TRPC4AP: variants seen among roughly 807,000 people sequenced by gnomAD.
TRPC4AP encodes transient receptor potential cation channel subfamily C member 4 associated protein.
TRPC4AP carries 45 observed loss-of-function variants against 99.0 expected under a neutral mutation model. The observed-to-expected ratio is 0.45, with a 90% CI of 0.36 to 0.58. The LOEUF (loss-of-function observed/expected upper bound fraction) is 0.58, where lower values mean the gene tolerates loss of function less well. TRPC4AP is among the 20% of genes least tolerant of loss of function. The probability of loss-of-function intolerance (pLI) is 0.00; values close to 1 mark genes in which losing one functional copy is unlikely to be tolerated. For synonymous variants in TRPC4AP, 408 were observed against 385.8 expected, an observed-to-expected ratio of 1.06 and a Z score of -0.67; for missense variants, 879 against 985.3, an observed-to-expected ratio of 0.89 and a Z score of 1.44.
chr20:35,026,152 C>CCAG (rs1569098075), intron 8 of TRPC4AP, among the ~76,000 whole-genome samples: 1 of 152,024 alleles, frequency 6.6e-6, no homozygotes, highest in Non-Finnish European at 1.5e-5. Flanking sequence ...TATCCTCAGG[C>CCAG]CAGCAGCATA....
chr20:35,070,600 CG>C (rs2084283880), intron 2 of TRPC4AP, among the ~76,000 whole-genome samples: 1 of 152,048 alleles, frequency 6.6e-6, no homozygotes, highest in Non-Finnish European at 1.5e-5. Context: ...TCAGTAGAGA[CG>C]GGGTTTCACC....
intron 2 of TRPC4AP, 83 bp downstream of exon 2, chr20:35,077,963 A>G: frequency 6.9e-7 from 1 of 1,458,500 alleles, no homozygotes; most frequent in Non-Finnish European, 9.2e-7. Flanking sequence ...TTTAAAAGCC[A>G]ACGGAAGGGA....
At chr20:35,042,412 G>A (rs1043048979) in intron 7 of TRPC4AP, among the ~76,000 whole-genome samples, 1 of 152,196 alleles carries the variant, frequency 6.6e-6, no homozygotes, top group African/African-American at 2.4e-5. Flanking sequence ...AGGAGAGGAG[G>A]CTGCTCTGAA....
intron 1 of TRPC4AP, among the ~76,000 whole-genome samples, chr20:35,080,879 G>A (rs2084626763): frequency 6.6e-6 from 1 of 151,024 alleles, no homozygotes; most frequent in East Asian, 1.9e-4. Context: ...TGTGCAATAT[G>A]TGAATTACAT....
intron 1 of TRPC4AP, among the ~76,000 whole-genome samples, chr20:35,079,932 A>T (rs1434444472): frequency 6.6e-6 from 1 of 150,838 alleles, no homozygotes; most frequent in Non-Finnish European, 1.5e-5. Flanking sequence ...TGAGGTGAGA[A>T]GATCACTTGA....
chr20:35,010,346 A>G, intron 11 of TRPC4AP, 58 bp from the exon 12 acceptor site: 1 of 1,427,628 alleles, frequency 7.0e-7, no homozygotes, highest in Non-Finnish European at 9.8e-7. Flanking sequence ...CTGGGTCAGC[A>G]CCAGGCTAGT....
rs773248769 is a variant in TRPC4AP at position 35,004,411 on chromosome 20, G to C, written c.2049+47C>G. The C allele has an allele frequency of 6.6e-6, 10 of 1,522,708 alleles. No individual in the cohort carries two copies. The Admixed American group carries it at 1.6e-4, about 25-fold the overall frequency. The allele number at this position is 1,522,708 out of a possible 1,614,324, so 94.3% of individuals were successfully genotyped here. On this transcript the variant is annotated intron_variant, in intron 17 of 18. Transcript: ENST00000252015. ...TGCTGGGCACCAGGACAAAGGAAGT[G>C]GTTTCCAATCGACCTTCCCTGCTGT... is the stretch of plus-strand genomic sequence containing the variant.
chr20:35,038,797 G>A (rs2083383226), intron 7 of TRPC4AP, among the ~76,000 whole-genome samples: 1 of 152,212 alleles, frequency 6.6e-6, no homozygotes, highest in Non-Finnish European at 1.5e-5. Flanking sequence ...AGTAGGCGGG[G>A]CATGGTGGCC....
intron 8 of TRPC4AP, among the ~76,000 whole-genome samples, chr20:35,021,559 A>G (rs2082891310): frequency 6.6e-6 from 1 of 152,264 alleles, no homozygotes; most frequent in South Asian, 2.1e-4. Flanking sequence ...GGACTCTGCA[A>G]TAGTTGTGCC....
At chr20:35,045,403 C>T (rs1446981112) in intron 6 of TRPC4AP, among the ~76,000 whole-genome samples, 1 of 152,194 alleles carries the variant, frequency 6.6e-6, no homozygotes, top group East Asian at 1.9e-4. Context: ...CAGGGTCTCA[C>T]TCTGTTGCTC....
chr20:35,033,406 G>A (rs1054409898), intron 8 of TRPC4AP, among the ~76,000 whole-genome samples: 2 of 152,092 alleles, frequency 1.3e-5, no homozygotes, highest in Admixed American at 6.6e-5. Flanking sequence ...GGATGACATT[G>A]AGCCAGGCTG....
intron 15 of TRPC4AP, 102 bp downstream of exon 15, chr20:35,006,333 C>T (rs761225392): frequency 1.3e-4 from 187 of 1,390,948 alleles, no homozygotes; most frequent in Non-Finnish European, 1.8e-4. Flanking sequence ...ACTCCCCCGT[C>T]GTCTCTAACG....
intron 3 of TRPC4AP, among the ~76,000 whole-genome samples, chr20:35,059,687 G>A (rs112970499): frequency 2.0e-5 from 3 of 147,832 alleles, no homozygotes. Context: ...GAAGAAGAAG[G>A]AAGAAGAAGA....
intron 2 of TRPC4AP, among the ~76,000 whole-genome samples, chr20:35,075,451 T>C (rs1424730888): frequency 2.0e-5 from 3 of 152,240 alleles, no homozygotes; most frequent in African/African-American, 7.2e-5. Flanking sequence ...AAGGCAGGCC[T>C]GGTGGTGACA....
chr20:35,052,733 C>A (rs1320930875), intron 5 of TRPC4AP, among the ~76,000 whole-genome samples: 3 of 152,162 alleles, frequency 2.0e-5, no homozygotes, highest in Admixed American at 2.0e-4. Context: ...CTCAAGTGAT[C>A]CACCCGCCTC....
chr20:35,077,111 A>G (rs533403021), intron 2 of TRPC4AP, among the ~76,000 whole-genome samples: 1 of 152,316 alleles, frequency 6.6e-6, no homozygotes, highest in African/African-American at 2.4e-5. Context: ...AGGCCGTTGG[A>G]AAAGTGCAGT....
At chr20:35,086,575 G>GTGTATTA (rs1555919531) in intron 1 of TRPC4AP, among the ~76,000 whole-genome samples, 1 of 89,764 alleles carries the variant, frequency 1.1e-5, no homozygotes, top group Non-Finnish European at 2.4e-5. Flanking sequence ...GTGTGTGTGT[G>GTGTATTA]TATATATATA....
At chr20:35,080,292 C>T (rs1260060307) in intron 1 of TRPC4AP, among the ~76,000 whole-genome samples, 1 of 148,312 alleles carries the variant, frequency 6.7e-6, no homozygotes, top group Non-Finnish European at 1.5e-5. Flanking sequence ...CTTGAGCTCA[C>T]AAGTACAAGA....
At chr20:35,081,822 C>A (rs2084654749) in intron 1 of TRPC4AP, among the ~76,000 whole-genome samples, 1 of 151,876 alleles carries the variant, frequency 6.6e-6, no homozygotes, top group Non-Finnish European at 1.5e-5. Flanking sequence ...CCTGTCTCCA[C>A]TAAAAATGCA....
Sources: allele counts gnomAD v4.1 joint callset (sites outside exome capture counted in the v4.1 genomes callset), GRCh38; gene constraint gnomAD v4.1.1; transcripts MANE v1.5; gene names NCBI Gene and HGNC (gene_info 2026-07-23, HGNC 2026-07-21).